The following CLSTN2 variants were observed in gnomAD, a reference collection of about 807,000 sequenced individuals.
CLSTN2 encodes calsyntenin-2.
A neutral mutation model predicts 101.2 loss-of-function variants in CLSTN2; 48 were observed. The observed-to-expected ratio is 0.47, with a 90% confidence interval of 0.38 to 0.60. The LOEUF is 0.60. Among genes scored for constraint, CLSTN2 ranks in the 20% least tolerant of loss-of-function variants. CLSTN2 has a pLI of 0.00. For synonymous variants in CLSTN2, 481 were observed against 463.6 expected, an observed-to-expected ratio of 1.04 and a Z score of -0.48; for missense variants, 1,160 against 1,238.2, an observed-to-expected ratio of 0.94 and a Z score of 0.95.
chr3:140,298,586 C>T (rs1436165124), intron 2 of CLSTN2, among the ~76,000 whole-genome samples: 3 of 152,148 alleles, frequency 2.0e-5, no homozygotes, highest in Non-Finnish European at 4.4e-5. Flanking sequence ...CCCAGGAACA[C>T]TGGGGAAGCT....
chr3:140,102,137 C>A (rs959575536), intron 1 of CLSTN2, among the ~76,000 whole-genome samples: 1 of 152,204 alleles, frequency 6.6e-6, no homozygotes, highest in South Asian at 2.1e-4. Flanking sequence ...GGCAAATGGG[C>A]TTCCTATAAA....
At chr3:140,016,742 T>C (rs989783810) in intron 1 of CLSTN2, among the ~76,000 whole-genome samples, 1 of 132,578 alleles carries the variant, frequency 7.5e-6, no homozygotes, top group Non-Finnish European at 1.5e-5. Context: ...CAGTTTGCAG[T>C]GAGCCGAGAT....
At chr3:139,961,703 T>G (rs1187011045) in intron 1 of CLSTN2, among the ~76,000 whole-genome samples, 1 of 152,184 alleles carries the variant, frequency 6.6e-6, no homozygotes, top group African/African-American at 2.4e-5. Context: ...ATTAGCGGAT[T>G]TTCTTAAATA....
chr3:140,065,267 T>A (rs1039038284), intron 1 of CLSTN2, among the ~76,000 whole-genome samples: 6 of 152,190 alleles, frequency 3.9e-5, no homozygotes, highest in Non-Finnish European at 7.3e-5. Context: ...ATGATTGGAT[T>A]TGGAGACCAA....
intron 2 of CLSTN2, among the ~76,000 whole-genome samples, chr3:140,355,450 T>C (rs1160097346): frequency 2.0e-5 from 3 of 152,216 alleles, no homozygotes; most frequent in Non-Finnish European, 2.9e-5. Flanking sequence ...CCTGAGATGA[T>C]GCCTGGAATA....
At chr3:140,349,446 T>G (rs1226258013) in intron 2 of CLSTN2, among the ~76,000 whole-genome samples, 1 of 152,238 alleles carries the variant, frequency 6.6e-6, no homozygotes, top group Non-Finnish European at 1.5e-5. Context: ...TGTTCTCTTT[T>G]GTAAAATGAA....
intron 2 of CLSTN2, among the ~76,000 whole-genome samples, chr3:140,390,315 C>A (rs1358556995): frequency 6.6e-6 from 1 of 152,058 alleles, no homozygotes; most frequent in African/African-American, 2.4e-5. Context: ...TTTGTATTAT[C>A]TTCAGTTCTA....
intron 2 of CLSTN2, among the ~76,000 whole-genome samples, chr3:140,250,285 A>C (rs748318991): frequency 6.6e-6 from 1 of 152,192 alleles, no homozygotes; most frequent in African/African-American, 2.4e-5. Flanking sequence ...CTGGGAATAG[A>C]GTAAACCGGA....
chr3:140,380,525 G>A (rs1175050337), intron 2 of CLSTN2, among the ~76,000 whole-genome samples: 1 of 152,134 alleles, frequency 6.6e-6, no homozygotes, highest in Non-Finnish European at 1.5e-5. Flanking sequence ...TGGAAACATT[G>A]ACAATTATTT....
intron 2 of CLSTN2, among the ~76,000 whole-genome samples, chr3:140,329,654 G>C (rs989579219): frequency 1.3e-5 from 2 of 152,032 alleles, no homozygotes; most frequent in Non-Finnish European, 2.9e-5. Flanking sequence ...TGATTTTATA[G>C]GCATAAGCAC....
At chr3:140,147,783 A>G (rs986425600) in intron 1 of CLSTN2, among the ~76,000 whole-genome samples, 2 of 152,122 alleles carry the variant, frequency 1.3e-5, no homozygotes, top group Non-Finnish European at 2.9e-5. Flanking sequence ...AACCCCTAAC[A>G]CAAAGTATTG....
At chr3:140,231,329 C>T (rs1376701655) in intron 2 of CLSTN2, among the ~76,000 whole-genome samples, 2 of 152,074 alleles carry the variant, frequency 1.3e-5, no homozygotes, top group Non-Finnish European at 2.9e-5. Flanking sequence ...CCATAAATCC[C>T]AACTCTCTAA....
At chr3:140,367,185 A>G (rs6770610) in intron 2 of CLSTN2, among the ~76,000 whole-genome samples, 59,165 of 151,972 alleles carry the variant, frequency 0.39, 12,868 homozygotes, top group Non-Finnish European at 0.5. Flanking sequence ...TTGGAACTTT[A>G]CAATTATGGA....
chr3:139,943,172 G>T (rs1935162153), intron 1 of CLSTN2, among the ~76,000 whole-genome samples: 1 of 152,068 alleles, frequency 6.6e-6, no homozygotes, highest in African/African-American at 2.4e-5. Flanking sequence ...CCAAGCCAGA[G>T]CCCCCAAGAG....
intron 1 of CLSTN2, among the ~76,000 whole-genome samples, chr3:139,968,578 G>C (rs1002258479): frequency 2.6e-5 from 4 of 152,202 alleles, no homozygotes; most frequent in African/African-American, 7.2e-5. Context: ...GAAAGCAGAT[G>C]TCAGCACCTT....
At chr3:140,116,436 A>G (rs989440886) in intron 1 of CLSTN2, among the ~76,000 whole-genome samples, 1 of 152,204 alleles carries the variant, frequency 6.6e-6, no homozygotes, top group African/African-American at 2.4e-5. Flanking sequence ...GTTTAAAGAC[A>G]TATTTGCTGC....
intron 2 of CLSTN2, among the ~76,000 whole-genome samples, chr3:140,241,128 AAAGAAAAC>A (rs1360562303): frequency 6.6e-6 from 1 of 152,204 alleles, no homozygotes; most frequent in African/African-American, 2.4e-5. Context: ...GTAAAATTTC[AAAGAAAAC>A]AAGAAAAGAA....
chr3:140,135,111 C>CATATAT (rs2009591247), intron 1 of CLSTN2, among the ~76,000 whole-genome samples: 1 of 52,112 alleles, frequency 1.9e-5, no homozygotes, highest in African/African-American at 1.2e-4. Flanking sequence ...CACACACACA[C>CATATAT]ACACACATAT....
Position 140,497,100 on chromosome 3 carries a change from C to CAAAA in CLSTN2, c.1344+30384_1344+30387dup, listed in dbSNP as rs57659394. Among the ~76,000 whole-genome samples the CAAAA allele has an allele frequency of 9.2e-3, 810 of 87,938 alleles. 9 individuals carry two copies. The highest frequency in any genetic ancestry group is 0.072 in the East Asian group (229 of 3,194). 57.7% of individuals were successfully genotyped at this position (87,938 alleles called of 152,430 possible). On this transcript the variant is annotated intron_variant, in intron 8 of 16. Transcript: ENST00000458420. ...TGGGTGACACAGCGAGACTCCGTCTCAAAAAAAAAAAAAAAAAAGCAGCAG... is the reference window on the plus strand; with the variant it reads ...TGGGTGACACAGCGAGACTCCGTCTCAAAAAAAAAAAAAAAAAAAAAAGCAGCAG...
Sources: allele counts gnomAD v4.1 joint callset (sites outside exome capture counted in the v4.1 genomes callset), GRCh38; gene constraint gnomAD v4.1.1; transcripts MANE v1.5; gene names NCBI Gene and HGNC (gene_info 2026-07-23, HGNC 2026-07-21).